The following DIAPH2 variants were observed in gnomAD, a reference collection of about 807,000 sequenced individuals.
The protein encoded by DIAPH2 is protein diaphanous homolog 2.
DIAPH2 carries 35 observed loss-of-function variants against 92.7 expected under a neutral mutation model. That is an observed-to-expected ratio of 0.38 (90% confidence interval 0.29 to 0.50). DIAPH2 has a LOEUF of 0.50. DIAPH2 is among the 20% of genes least tolerant of loss of function. The pLI is 0.94. For missense variants in DIAPH2, 701 were observed against 819.5 expected (o/e 0.86, Z 1.77); for synonymous variants, 301 against 280.4 (o/e 1.07, Z -0.73).
At chrX:96,981,159 G>T (rs919841808) in intron 17 of DIAPH2, among the ~76,000 whole-genome samples, 18 of 109,605 alleles carry the variant, frequency 1.6e-4, no homozygotes, top group African/African-American at 5.7e-4. Context: ...TGATGACAGA[G>T]TGAACCCTAT....
intron 26 of DIAPH2, among the ~76,000 whole-genome samples, chrX:97,495,556 T>TA (rs2070752495): frequency 9.0e-6 from 1 of 111,391 alleles, no homozygotes; most frequent in Non-Finnish European, 1.9e-5. Context: ...AGATCTAATA[T>TA]AAAATCAAAA....
intron 4 of DIAPH2, among the ~76,000 whole-genome samples, chrX:96,830,877 G>A (rs781306944): frequency 6.3e-5 from 7 of 111,037 alleles, no homozygotes; most frequent in African/African-American, 2.3e-4. Flanking sequence ...TTTTTGGAGG[G>A]GCATTTCGTG....
rs2064793323 is a variant in DIAPH2, at chrX:96,823,689, T to G, written c.448-57890T>G. Among the ~76,000 whole-genome samples the G allele has an allele frequency of 2.7e-5, 3 of 111,309 alleles. No homozygotes were observed. The Admixed American group carries it at 2.9e-4, about 11-fold the overall frequency. ...GAGAAAGGGTTCAATTATATTATCT[T>G]TATTCTCTCAGTGTTGCAATTAATG... On this transcript the variant is annotated intron_variant, in intron 4 of 26. Transcript: ENST00000324765.
chrX:97,497,817 T>C (rs1049958255), intron 26 of DIAPH2, among the ~76,000 whole-genome samples: 4 of 110,899 alleles, frequency 3.6e-5, no homozygotes, highest in African/African-American at 1.3e-4. Context: ...AAGAAAGAAA[T>C]TGCGGGCCAA....
At chrX:97,262,956 C>A (rs1032193269) in intron 23 of DIAPH2, among the ~76,000 whole-genome samples, 1 of 111,886 alleles carries the variant, frequency 8.9e-6, no homozygotes, top group Non-Finnish European at 1.9e-5. Context: ...TTCTGTTGGC[C>A]TGAGAGCCAA....
chrX:97,251,435 CTT>C (rs754141574), intron 23 of DIAPH2, among the ~76,000 whole-genome samples: 16 of 98,915 alleles, frequency 1.6e-4, no homozygotes, highest in Admixed American at 2.2e-4. Context: ...GTGAAGGTCT[CTT>C]TTTTTTTTTT....
intron 9 of DIAPH2, among the ~76,000 whole-genome samples, chrX:96,930,044 G>T (rs1157097196): frequency 9.1e-6 from 1 of 110,190 alleles, no homozygotes; most frequent in Non-Finnish European, 1.9e-5. Flanking sequence ...TCATTTTTCG[G>T]TATCAATATA....
chrX:97,134,223 GC>G (rs1332941970), intron 21 of DIAPH2, among the ~76,000 whole-genome samples: 1 of 111,902 alleles, frequency 8.9e-6, no homozygotes, highest in Non-Finnish European at 1.9e-5. Flanking sequence ...TGGATAGGTA[GC>G]TGATAGGTTA....
At chrX:96,810,800 G>C (rs1158539477) in intron 4 of DIAPH2, among the ~76,000 whole-genome samples, 4 of 111,449 alleles carry the variant, frequency 3.6e-5, no homozygotes, top group Non-Finnish European at 5.7e-5. Context: ...TCTTGTTTTT[G>C]TCAGGTTTGT....
At chrX:97,598,549 A>G (rs2071570535) in intron 26 of DIAPH2, among the ~76,000 whole-genome samples, 1 of 112,026 alleles carries the variant, frequency 8.9e-6, no homozygotes, top group Admixed American at 9.5e-5. Flanking sequence ...GATCATTGCA[A>G]TGCAGAGCTG....
At chrX:97,063,397 C>T (rs1352658849) in intron 17 of DIAPH2, among the ~76,000 whole-genome samples, 1 of 111,765 alleles carries the variant, frequency 8.9e-6, no homozygotes. Flanking sequence ...CCAGTATGTC[C>T]CAAGTGAAAC....
intron 4 of DIAPH2, among the ~76,000 whole-genome samples, chrX:96,876,912 T>TA (rs1211769763): frequency 1.8e-5 from 2 of 111,422 alleles, no homozygotes; most frequent in Admixed American, 1.9e-4. Flanking sequence ...AGTATAATAA[T>TA]AAAAAAATTT....
chrX:96,711,010 C>T (rs2063914616), intron 1 of DIAPH2, among the ~76,000 whole-genome samples: 3 of 112,150 alleles, frequency 2.7e-5, no homozygotes, highest in African/African-American at 9.7e-5. Context: ...GCTGCAAATG[C>T]CATTATTTCA....
At chrX:97,287,470 A>G (rs2068552455) in intron 23 of DIAPH2, among the ~76,000 whole-genome samples, 1 of 111,266 alleles carries the variant, frequency 9.0e-6, no homozygotes, top group African/African-American at 3.3e-5. Context: ...ATCTAGTTAC[A>G]CACAGGTATG....
chrX:96,890,866 C>A (rs1008654154), intron 5 of DIAPH2, among the ~76,000 whole-genome samples: 5 of 112,018 alleles, frequency 4.5e-5, no homozygotes, highest in African/African-American at 1.6e-4. Flanking sequence ...TATCTCAGAT[C>A]ACTCTGTTAC....
At chrX:97,588,465 C>CT (rs567034447) in intron 26 of DIAPH2, among the ~76,000 whole-genome samples, 1,182 of 103,499 alleles carry the variant, frequency 0.011, 9 homozygotes, top group South Asian at 0.019. Flanking sequence ...AAAGGACAGA[C>CT]TTTTTTTTTT....
rs829798 is a variant in DIAPH2, at chrX:96,773,561, G to T, written c.447+15303G>T. Among the ~76,000 whole-genome samples, 848 of 111,652 alleles carry T rather than the reference G, an allele frequency of 7.6e-3. 6 individuals are homozygous for T. Among genetic ancestry groups the T allele is most frequent in the Non-Finnish European group, 0.012 (624 of 53,083 alleles). On this transcript the variant is annotated intron_variant, in intron 4 of 26. Coordinates refer to ENST00000324765, the MANE Select transcript of DIAPH2 (RefSeq NM_006729.5). ...TTGGACTTTTAATGTCAAGAATGGG[G>T]AGAGGGGCCGGGTGATGTGGCTCAT...
chrX:97,503,368 G>T (rs749402846), intron 26 of DIAPH2, among the ~76,000 whole-genome samples: 1 of 111,937 alleles, frequency 8.9e-6, no homozygotes, highest in Non-Finnish European at 1.9e-5. Context: ...GAACTGCCCT[G>T]CATAATTGCT....
At chrX:97,139,790 T>C (rs2067197884) in intron 21 of DIAPH2, among the ~76,000 whole-genome samples, 1 of 111,232 alleles carries the variant, frequency 9.0e-6, no homozygotes, top group South Asian at 3.7e-4. Flanking sequence ...TAAGCACTTA[T>C]AAGTATGCAT....
Sources: gnomAD v4.1 joint callset for allele counts (sites outside exome capture counted in the v4.1 genomes callset) on GRCh38, gnomAD v4.1.1 for gene constraint, MANE v1.5 for transcripts, NCBI Gene and HGNC (gene_info 2026-07-23, HGNC 2026-07-21) for gene names.